KCNIP4: variants seen among roughly 807,000 people sequenced by gnomAD.
The protein encoded by KCNIP4 is Kv channel-interacting protein 4.
Under a neutral mutation model 34.0 loss-of-function variants are expected in KCNIP4, and 12 were observed. The observed-to-expected ratio is 0.35, with a 90% CI of 0.23 to 0.57. The LOEUF is 0.57. Among genes scored for constraint, KCNIP4 ranks in the 20% least tolerant of loss-of-function variants. KCNIP4 has a pLI of 0.83. For synonymous variants in KCNIP4, 124 were observed against 102.2 expected (o/e 1.21, Z -1.29); for missense variants, 238 against 311.7 (o/e 0.76, Z 1.78).
intron 1 of KCNIP4, among the ~76,000 whole-genome samples, chr4:20,995,366 AAGCATTCATTG>A (rs1737454944): frequency 2.0e-5 from 3 of 152,338 alleles, no homozygotes; most frequent in South Asian, 4.1e-4. Context: ...AATGTAGTTA[AAGCATTCATTG>A]CAGGCACAAA....
intron 1 of KCNIP4, among the ~76,000 whole-genome samples, chr4:21,757,499 CCT>C (rs1484761967): frequency 1.3e-5 from 2 of 152,064 alleles, no homozygotes; most frequent in African/African-American, 4.8e-5. Flanking sequence ...TGTAATGCCT[CCT>C]CTCTATATGC....
chr4:21,610,946 C>A (rs1207399743), intron 1 of KCNIP4, among the ~76,000 whole-genome samples: 2 of 152,066 alleles, frequency 1.3e-5, no homozygotes, highest in Non-Finnish European at 1.5e-5. Flanking sequence ...TTAGATATTT[C>A]TCCTAATGCT....
intron 1 of KCNIP4, among the ~76,000 whole-genome samples, chr4:21,562,626 G>A (rs1739561363): frequency 6.6e-6 from 1 of 151,886 alleles, no homozygotes. Flanking sequence ...ATAGAAATGA[G>A]GAAAATTTCT....
intron 1 of KCNIP4, among the ~76,000 whole-genome samples, chr4:21,158,577 C>A (rs943798122): frequency 2.0e-5 from 3 of 152,084 alleles, no homozygotes; most frequent in Admixed American, 6.6e-5. Context: ...AAGAATTTGA[C>A]AAAACTGCAA....
chr4:20,875,071 T>C (rs1226961480), intron 2 of KCNIP4, among the ~76,000 whole-genome samples: 1 of 152,016 alleles, frequency 6.6e-6, no homozygotes, highest in East Asian at 1.9e-4. Flanking sequence ...CTACTTCTTA[T>C]TCGTGGATGG....
Position 20,864,229 on chromosome 4 carries a change from T to C in KCNIP4, c.164-13562A>G, listed in dbSNP as rs908108903. Among the ~76,000 whole-genome samples, 5 of 144,482 alleles carry C rather than the reference T, an allele frequency of 3.5e-5. No homozygotes were observed. The East Asian group carries it at 6.2e-4, about 18-fold the overall frequency. 94.8% of individuals were successfully genotyped at this position (144,482 alleles called of 152,430 possible). On this transcript the variant is annotated intron_variant, in intron 2 of 8. Transcript: ENST00000382152. ...ACACATGCATGTATATATGCATATA[T>C]ATGTACACATATGTATGTATATATG... is the stretch of plus-strand genomic sequence containing the variant.
chr4:20,938,806 T>A (rs531297325), intron 1 of KCNIP4, among the ~76,000 whole-genome samples: 34 of 152,326 alleles, frequency 2.2e-4, no homozygotes, highest in Admixed American at 1.0e-3. Flanking sequence ...CATGGCTTAG[T>A]CCAGTCCCAA....
chr4:20,839,644 A>C (rs185632398), intron 3 of KCNIP4, among the ~76,000 whole-genome samples: 1 of 152,210 alleles, frequency 6.6e-6, no homozygotes, highest in Admixed American at 6.5e-5. Context: ...CTGGCATGAT[A>C]ATAATGGTGC....
chr4:21,687,181 AG>A (rs1173689397), intron 1 of KCNIP4, among the ~76,000 whole-genome samples: 1 of 74,472 alleles, frequency 1.3e-5, no homozygotes, highest in Non-Finnish European at 2.5e-5. Flanking sequence ...GGGTGGGGGG[AG>A]GGGGGAGGGA....
intron 1 of KCNIP4, among the ~76,000 whole-genome samples, chr4:21,835,066 T>C (rs1173719671): frequency 6.6e-6 from 1 of 152,160 alleles, no homozygotes; most frequent in Non-Finnish European, 1.5e-5. Flanking sequence ...TTTTTGGTTA[T>C]GTCTCTGCCC....
chr4:20,782,589 C>T (rs1303037661), intron 3 of KCNIP4, among the ~76,000 whole-genome samples: 1 of 152,144 alleles, frequency 6.6e-6, no homozygotes, highest in Non-Finnish European at 1.5e-5. Context: ...CTACATTGGC[C>T]CTTTCAGCCA....
At chr4:20,874,216 C>T (rs185073011) in intron 2 of KCNIP4, among the ~76,000 whole-genome samples, 160 of 152,258 alleles carry the variant, frequency 1.1e-3, no homozygotes, top group Admixed American at 2.6e-3. Context: ...AGTAGCTTAA[C>T]TAAAGTTTCT....
At chr4:21,054,615 A>G (rs575281624) in intron 1 of KCNIP4, among the ~76,000 whole-genome samples, 1 of 151,834 alleles carries the variant, frequency 6.6e-6, no homozygotes, top group East Asian at 1.9e-4. Flanking sequence ...TCTTTTACAA[A>G]GGAGCAAAGG....
At chr4:21,348,653 G>C (rs1182228124) in intron 1 of KCNIP4, among the ~76,000 whole-genome samples, 2 of 152,208 alleles carry the variant, frequency 1.3e-5, no homozygotes, top group Non-Finnish European at 2.9e-5. Flanking sequence ...AGCCCATTAA[G>C]TTATTTATAA....
chr4:21,414,911 G>A (rs1724815282), intron 1 of KCNIP4, among the ~76,000 whole-genome samples: 1 of 151,960 alleles, frequency 6.6e-6, no homozygotes, highest in Non-Finnish European at 1.5e-5. Flanking sequence ...AGGGTAAATG[G>A]GGTATTCACC....
chr4:21,298,029 A>C (rs1763940670), intron 1 of KCNIP4, among the ~76,000 whole-genome samples: 1 of 152,178 alleles, frequency 6.6e-6, no homozygotes, highest in Admixed American at 6.6e-5. Context: ...TTGTGATCTT[A>C]AGCAAGTTAT....
At chr4:21,611,264 T>C (rs967848971) in intron 1 of KCNIP4, among the ~76,000 whole-genome samples, 3 of 152,166 alleles carry the variant, frequency 2.0e-5, no homozygotes, top group Non-Finnish European at 4.4e-5. Context: ...TTGTGAACAG[T>C]GCTGCAATAA....
intron 1 of KCNIP4, among the ~76,000 whole-genome samples, chr4:21,371,792 C>T (rs771503675): frequency 4.9e-4 from 72 of 147,032 alleles, no homozygotes; most frequent in Non-Finnish European, 8.2e-4. Flanking sequence ...ATATTGATCT[C>T]TAATATTCAA....
intron 1 of KCNIP4, among the ~76,000 whole-genome samples, chr4:21,247,168 T>G (rs939222010): frequency 1.3e-4 from 20 of 152,188 alleles, no homozygotes; most frequent in African/African-American, 4.6e-4. Context: ...TAATCCAACC[T>G]TTGCATTATA....
Sources: allele counts gnomAD v4.1 joint callset (sites outside exome capture counted in the v4.1 genomes callset), GRCh38; gene constraint gnomAD v4.1.1; transcripts MANE v1.5; gene names NCBI Gene and HGNC (gene_info 2026-07-23, HGNC 2026-07-21).